PCGF3: variants seen among roughly 807,000 people sequenced by gnomAD.
PCGF3 encodes polycomb group ring finger 3.
A neutral mutation model predicts 33.1 loss-of-function variants in PCGF3; 7 were observed. The observed-to-expected ratio is 0.21, with a 90% confidence interval of 0.12 to 0.40. PCGF3 has a LOEUF of 0.40. Ranked by LOEUF, PCGF3 falls within the 10% of genes least tolerant of loss-of-function variation. The pLI, the probability that PCGF3 is intolerant of heterozygous loss-of-function variation, is 1.00. For synonymous variants in PCGF3, 153 were observed against 121.3 expected (o/e 1.26, Z -1.72); for missense variants, 211 against 313.3 (o/e 0.67, Z 2.46).
In PCGF3 at chr4:709,623, G is replaced by A. The variant is rs145252850; in HGVS notation, c.-190+3653G>A. 1.6e-3 allele frequency among the ~76,000 whole-genome samples: 246 copies of A among 152,396 alleles called. 1 individual carries two copies. The highest frequency in any genetic ancestry group is 4.9e-3 in the African/African-American group (202 of 41,598). ...TCAGAGACATCCCCTCGGATTAGGC[G>A]TGCGGGCTTGCCTGGAAGTTGGGCA... is the stretch of plus-strand genomic sequence containing the variant. On this transcript the variant is annotated intron_variant, in intron 1 of 10. Coordinates refer to ENST00000362003, the Ensembl canonical transcript of PCGF3.
intron 3 of PCGF3, among the ~76,000 whole-genome samples, chr4:732,740 C>T (rs903645031): frequency 4.6e-5 from 7 of 152,196 alleles, no homozygotes; most frequent in African/African-American, 1.7e-4. Flanking sequence ...GCTTTCCGTC[C>T]CCACTGAGGG....
intron 8 of PCGF3, among the ~76,000 whole-genome samples, chr4:760,150 C>A (rs1033925964): frequency 6.6e-6 from 1 of 152,244 alleles, no homozygotes; most frequent in African/African-American, 2.4e-5. Flanking sequence ...GTGACTGCAC[C>A]GTGTCGGAGT....
At chr4:726,508 T>C (rs1743339790) in intron 1 of PCGF3, among the ~76,000 whole-genome samples, 2 of 152,224 alleles carry the variant, frequency 1.3e-5, no homozygotes, top group African/African-American at 2.4e-5. Context: ...TTTTTCTCCA[T>C]GGTGCTTTTG....
chr4:739,340 A>G (rs1391500339), intron 6 of PCGF3, among the ~76,000 whole-genome samples: 1 of 152,112 alleles, frequency 6.6e-6, no homozygotes, highest in Non-Finnish European at 1.5e-5. Context: ...AGCTGGAACT[A>G]CAGGCAAGCA....
chr4:768,155 G>C (rs181767657), exon 11 of PCGF3: 2 of 152,668 alleles, frequency 1.3e-5, no homozygotes, highest in Admixed American at 6.5e-5. Context: ...AGTGGCGCCC[G>C]TGTCGATGTC....
At chr4:743,441 T>C (rs771751985) in intron 6 of PCGF3, 33 bp from the exon 7 acceptor site, 2 of 1,256,646 alleles carry the variant, frequency 1.6e-6, no homozygotes, top group South Asian at 2.4e-5. Context: ...CCACTGCCTG[T>C]GAGATGAAAG....
chr4:727,390 G>A (rs1375355656), intron 1 of PCGF3, among the ~76,000 whole-genome samples: 1 of 151,852 alleles, frequency 6.6e-6, no homozygotes, highest in East Asian at 1.9e-4. Flanking sequence ...ACAGGCACCT[G>A]CCATTACACC....
chr4:768,382 C>A (rs1432879224), exon 11 of PCGF3: 1 of 152,254 alleles, frequency 6.6e-6, no homozygotes, highest in African/African-American at 2.4e-5. Flanking sequence ...GGCCTTCTTT[C>A]CTTTCTGTCA....
chr4:717,552 G>A (rs573246176), intron 1 of PCGF3, among the ~76,000 whole-genome samples: 164 of 152,256 alleles, frequency 1.1e-3, no homozygotes, highest in Admixed American at 3.9e-3. Flanking sequence ...GCTAATTTTT[G>A]TATTTATATT....
At chr4:743,501 A>G (rs753019717) in exon 7 of PCGF3, 11 of 1,613,082 alleles carry the variant, frequency 6.8e-6, no homozygotes, top group Admixed American at 1.7e-5. Context: ...AGGGAGTTCT[A>G]TCACAAATTG....
At chr4:752,776 C>T (rs755167265) in intron 8 of PCGF3, among the ~76,000 whole-genome samples, 11 of 152,248 alleles carry the variant, frequency 7.2e-5, no homozygotes, top group African/African-American at 9.6e-5. Context: ...GAGGGGCCTG[C>T]GCGTGGCTGT....
chr4:749,519 C>T (rs551253483), intron 8 of PCGF3, among the ~76,000 whole-genome samples: 4 of 104,996 alleles, frequency 3.8e-5, no homozygotes, highest in East Asian at 3.1e-4. Flanking sequence ...CTCACTTTGT[C>T]GCCAGGCTGG....
intron 9 of PCGF3, chr4:762,227 C>A: frequency 2.3e-6 from 1 of 425,990 alleles, no homozygotes. Flanking sequence ...TGAAATAATT[C>A]TGGAATATCT....
At chr4:762,003 C>T (rs1745087622) in intron 9 of PCGF3, 1 of 985,174 alleles carries the variant, frequency 1.0e-6, no homozygotes, top group South Asian at 4.7e-5. Flanking sequence ...GAAATGGACG[C>T]AGGAGAGGCC....
At chr4:715,922 G>A (rs1742810375) in intron 1 of PCGF3, among the ~76,000 whole-genome samples, 1 of 126,482 alleles carries the variant, frequency 7.9e-6, no homozygotes. Context: ...GTCGGTGCTG[G>A]GACCCTGTAG....
At chr4:752,431 T>A (rs577000415) in intron 8 of PCGF3, among the ~76,000 whole-genome samples, 62 of 152,314 alleles carry the variant, frequency 4.1e-4, no homozygotes, top group African/African-American at 1.5e-3. Flanking sequence ...GAGCCTGACT[T>A]CTTTGGGAGC....
At chr4:712,332 C>T (rs1742605028) in intron 1 of PCGF3, among the ~76,000 whole-genome samples, 1 of 152,176 alleles carries the variant, frequency 6.6e-6, no homozygotes, top group African/African-American at 2.4e-5. Flanking sequence ...GCAAAACTCC[C>T]ATTGACAGGA....
intron 1 of PCGF3, among the ~76,000 whole-genome samples, chr4:725,977 C>T (rs1378798807): frequency 2.6e-5 from 4 of 152,158 alleles, no homozygotes; most frequent in African/African-American, 4.8e-5. Context: ...CTCAGGTCGT[C>T]CCAGCCTCTT....
chr4:755,443 G>A (rs1341399915), intron 8 of PCGF3, among the ~76,000 whole-genome samples: 1 of 152,150 alleles, frequency 6.6e-6, no homozygotes, highest in Non-Finnish European at 1.5e-5. Flanking sequence ...GAGCTGCAGG[G>A]CTACCTCCTC....
Sources: allele counts gnomAD v4.1 joint callset (sites outside exome capture counted in the v4.1 genomes callset), GRCh38; gene constraint gnomAD v4.1.1; transcripts MANE v1.5; gene names NCBI Gene and HGNC (gene_info 2026-07-23, HGNC 2026-07-21).